CILK1: variants seen among roughly 807,000 people sequenced by gnomAD.
The protein encoded by CILK1 is ciliogenesis associated kinase 1, also known as serine/threonine-protein kinase ICK.
In CILK1, 47 loss-of-function variants were observed where a neutral mutation model predicts 79.2. The observed-to-expected ratio is 0.59, with a 90% CI of 0.47 to 0.76. The LOEUF is 0.76. CILK1 is among the 30% of genes least tolerant of loss of function. The pLI is 0.00. For synonymous variants in CILK1, 266 were observed against 275.9 expected, an observed-to-expected ratio of 0.96 and a Z score of 0.36; for missense variants, 660 against 769.5, an observed-to-expected ratio of 0.86 and a Z score of 1.68.
intron 1 of CILK1, among the ~76,000 whole-genome samples, chr6:53,043,377 T>C (rs1766840045): frequency 1.3e-5 from 2 of 151,968 alleles, no homozygotes; most frequent in African/African-American, 4.8e-5. Context: ...TGTGTTCTCC[T>C]GAAAGCCGTG....
chr6:53,019,355 G>T lies in CILK1; in HGVS notation c.363C>A (p.Phe121Leu). The change falls in exon 6 of 14, where the codon TTC (phenylalanine) becomes TTA (leucine). Residue 121 changes from phenylalanine (F) to leucine (L), a missense_variant. Physicochemically the swap from Phe to Leu is conservative, Grantham distance 22. Coordinates refer to ENST00000676107, the MANE Select transcript of CILK1 (RefSeq NM_014920.5). ...QGLAFIHKHG[F>L]FHRDLKPENL... ...TCTCAGGCTTTAAGTCTCGATGAAA[G>T]AAGCCTATAGAGACAGTAGAGGAGA... 1 of 1,614,068 alleles carries T rather than the reference G, an allele frequency of 6.2e-7. No individual in the cohort carries two copies. Among genetic ancestry groups the T allele is most frequent in the Non-Finnish European group, 8.5e-7 (1 of 1,179,956 alleles).
chr6:53,021,463 C>CGATA (rs1765239593), intron 5 of CILK1, among the ~76,000 whole-genome samples: 2 of 152,338 alleles, frequency 1.3e-5, no homozygotes, highest in Non-Finnish European at 2.9e-5. Flanking sequence ...CACTTAAACA[C>CGATA]TATCTTTCCC....
In CILK1 at chr6:53,003,022, T is replaced by C. The variant is rs1287648382; in HGVS notation, c.*2127A>G. ...TACTTTTCATATATAATACAGAAAA[T>C]GAAAATAAATATTAACCTTATAGTA... On this transcript the variant is annotated 3_prime_UTR_variant, in exon 14 of 14. Transcript: ENST00000676107. The C allele has an allele frequency of 2.0e-5, 3 of 152,590 alleles. No homozygotes were observed. The highest frequency in any genetic ancestry group is 2.9e-5 in the Non-Finnish European group (2 of 68,022). 9.5% of individuals were successfully genotyped at this position (152,590 alleles called of 1,614,324 possible).
intron 1 of CILK1, chr6:53,061,029 G>A (rs1374117372): frequency 6.6e-6 from 1 of 152,152 alleles, no homozygotes; most frequent in African/African-American, 2.4e-5. Flanking sequence ...AGTTGTAAGT[G>A]GAAAGGAATA....
Position 53,023,087 on chromosome 6 carries a change from C to T in CILK1, c.359-3728G>A, listed in dbSNP as rs368113228. Among the ~76,000 whole-genome samples the T allele has an allele frequency of 7.2e-5, 11 of 152,200 alleles. 1 individual carries two copies. The highest frequency in any genetic ancestry group is 2.6e-4 in the African/African-American group (11 of 41,520). Reference sequence around the variant, plus strand: ...TAGCTAGGACTACAGGCGCCTGCCACCACACCCTGCTAATTTTTTGTATTT... The same window carrying T: ...TAGCTAGGACTACAGGCGCCTGCCATCACACCCTGCTAATTTTTTGTATTT... On this transcript the variant is annotated intron_variant, in intron 5 of 13. Transcript: ENST00000676107.
At position 53,018,307 on chromosome 6, in the gene CILK1, T is replaced by C. The variant is rs181396663; in HGVS notation, c.663+23A>G. 3.0e-3 allele frequency: 4,908 copies of C among 1,613,156 alleles called. 24 individuals carry two copies. The highest frequency in any genetic ancestry group is 2.7e-3 in the Non-Finnish European group (3,206 of 1,179,228). On this transcript the variant is annotated intron_variant, in intron 7 of 13. Transcript: ENST00000676107. ...TGGGAAGCTGTTGGCTTTGGCCCAC[T>C]GGCCTTTGTTTTGTATCATTACCTT...
At position 53,009,569 on chromosome 6, in the gene CILK1, T is replaced by C; in HGVS notation, c.1493-2A>G. The C allele has an allele frequency of 6.2e-7, 1 of 1,604,188 alleles. No individual in the cohort carries two copies. Among genetic ancestry groups the C allele is most frequent in the Non-Finnish European group, 8.5e-7 (1 of 1,170,960 alleles). On this transcript the variant is annotated splice_acceptor_variant, in intron 11 of 13. Transcript: ENST00000676107. LOFTEE classifies it high-confidence loss of function. ...GTATGCCATTTCTTATACTGATCCCTGATAGAGAAGAAATGATTTTAAAAT... is the reference window on the plus strand; with the variant it reads ...GTATGCCATTTCTTATACTGATCCCCGATAGAGAAGAAATGATTTTAAAAT...
At position 53,014,337 on chromosome 6, in the gene CILK1, A is replaced by G. The variant is rs554665758; in HGVS notation, c.832-355T>C. Among the ~76,000 whole-genome samples the G allele has an allele frequency of 3.2e-4, 49 of 152,346 alleles. No individual in the cohort carries two copies. The South Asian group carries it at 6.8e-3, about 21-fold the overall frequency. On this transcript the variant is annotated intron_variant, in intron 8 of 13. Coordinates refer to ENST00000676107, the MANE Select transcript of CILK1 (RefSeq NM_014920.5). ...CCAAGCCTATTTCCTCATTCCACAG[A>G]AGAAGAAAAAAATAATACAAAACTG...
chr6:53,020,511 C>T (rs1765166697), intron 5 of CILK1, among the ~76,000 whole-genome samples: 1 of 152,174 alleles, frequency 6.6e-6, no homozygotes, highest in South Asian at 2.1e-4. Flanking sequence ...AAACCTGAAA[C>T]TTTTTGAGCA....
At chr6:53,047,192 C>T (rs1205028722) in intron 1 of CILK1, among the ~76,000 whole-genome samples, 2 of 152,066 alleles carry the variant, frequency 1.3e-5, no homozygotes, top group Admixed American at 6.5e-5. Flanking sequence ...GAGGCTAGAG[C>T]GTAAAACCAA....
rs772883200 is a variant in CILK1, at chr6:53,016,100, G to C, written c.814C>G (p.Arg272Gly). The C allele has an allele frequency of 1.9e-6, 3 of 1,614,024 alleles. No homozygotes were observed. In the South Asian group the frequency reaches 3.3e-5, roughly 18 times the overall value. ...RDMLQWDPKKRPTASQALRYP... is the reference protein window; with the variant it reads ...RDMLQWDPKKGPTASQALRYP... ...AAGAAAACCTGACTAGCTGTTGGTC[G>C]TTTCTTGGGATCCCACTGAAGCATG... The change falls in exon 8 of 14, where the codon CGA (arginine) becomes GGA (glycine). Residue 272 changes from arginine (R) to glycine (G), a missense_variant. Physicochemically the swap from Arg to Gly is moderately radical, Grantham distance 125. Coordinates refer to ENST00000676107, the MANE Select transcript of CILK1 (RefSeq NM_014920.5).
At chr6:53,038,803 T>C (rs1326474802) in intron 2 of CILK1, among the ~76,000 whole-genome samples, 2 of 152,214 alleles carry the variant, frequency 1.3e-5, no homozygotes, top group African/African-American at 2.4e-5. Flanking sequence ...GCTTAAAATA[T>C]TTACAGCCTG....
At position 53,002,784 on chromosome 6, in the gene CILK1, T is replaced by A. The variant is rs1764002964; in HGVS notation, c.*2365A>T. On this transcript the variant is annotated 3_prime_UTR_variant, in exon 14 of 14. Transcript: ENST00000676107. ...AAAGCATAAAAAGAAAAAAGCGAAG[T>A]ATTTTCTGAAGTTGGGCCCTATAAA... The A allele has an allele frequency of 6.6e-6, 1 of 152,210 alleles. No homozygotes were observed. Among genetic ancestry groups the A allele is most frequent in the South Asian group, 2.1e-4 (1 of 4,826 alleles). The allele number at this position is 152,210 out of a possible 1,614,324, so 9.4% of individuals were successfully genotyped here. A position where few individuals can be genotyped will look rare whatever the true frequency, so the allele number is the denominator to read the frequency against.
chr6:53,041,820 G>T (rs532880666), intron 1 of CILK1, among the ~76,000 whole-genome samples: 1 of 152,198 alleles, frequency 6.6e-6, no homozygotes, highest in Admixed American at 6.5e-5. Flanking sequence ...GTCTAGGGTT[G>T]GTTCCCACTC....
chr6:53,044,852 G>C (rs370061156), intron 1 of CILK1, among the ~76,000 whole-genome samples: 46 of 152,230 alleles, frequency 3.0e-4, no homozygotes, highest in African/African-American at 1.1e-3. Context: ...CAGGAAGACA[G>C]CCCTCACCAG....
intron 2 of CILK1, among the ~76,000 whole-genome samples, chr6:53,039,317 G>C (rs1482291741): frequency 9.9e-5 from 15 of 152,230 alleles, no homozygotes; most frequent in Admixed American, 9.8e-4. Context: ...TCAGCCAAAT[G>C]ATGCAGCAAT....
intron 3 of CILK1, among the ~76,000 whole-genome samples, chr6:53,037,024 C>T (rs1025020252): frequency 6.6e-6 from 1 of 152,118 alleles, no homozygotes; most frequent in Non-Finnish European, 1.5e-5. Flanking sequence ...TTACAGAAAA[C>T]GTTTGCTGAT....
chr6:53,047,648 T>A (rs1767185666), intron 1 of CILK1, among the ~76,000 whole-genome samples: 1 of 151,934 alleles, frequency 6.6e-6, no homozygotes, highest in South Asian at 2.1e-4. Context: ...AGGGAGTTCC[T>A]CAGAGTTTTT....
chr6:53,016,994 C>T (rs1307917634), intron 7 of CILK1, among the ~76,000 whole-genome samples: 1 of 152,126 alleles, frequency 6.6e-6, no homozygotes, highest in African/African-American at 2.4e-5. Flanking sequence ...TGTTGGAGAT[C>T]CAAAAATGAT....
Sources: gnomAD v4.1 joint callset for allele counts (sites outside exome capture counted in the v4.1 genomes callset) on GRCh38, gnomAD v4.1.1 for gene constraint, MANE v1.5 for transcripts, NCBI Gene and HGNC (gene_info 2026-07-23, HGNC 2026-07-21) for gene names.